The following BCL7A variants were observed in gnomAD, a reference collection of about 807,000 sequenced individuals.
The protein encoded by BCL7A is B-cell CLL/lymphoma 7 protein family member A.
A neutral mutation model predicts 28.4 loss-of-function variants in BCL7A; 11 were observed. The observed-to-expected ratio is 0.39, with a 90% CI of 0.24 to 0.64. The LOEUF (loss-of-function observed/expected upper bound fraction) is 0.64. Among genes scored for constraint, BCL7A ranks in the 30% least tolerant of loss-of-function variants. The pLI is 0.50. For synonymous variants in BCL7A, 123 were observed against 103.3 expected (o/e 1.19, Z -1.15); for missense variants, 222 against 274.8 (o/e 0.81, Z 1.36).
chr12:122,051,732 C>T (rs888555143), intron 4 of BCL7A, among the ~76,000 whole-genome samples: 10 of 152,018 alleles, frequency 6.6e-5, no homozygotes, highest in South Asian at 2.1e-4. Flanking sequence ...CTGCTGTGCC[C>T]GGCAGAAAAG....
At chr12:122,023,925 C>T (rs574782187) in intron 1 of BCL7A, among the ~76,000 whole-genome samples, 2 of 152,308 alleles carry the variant, frequency 1.3e-5, no homozygotes, top group Admixed American at 6.5e-5. Context: ...AGCCGGCAAG[C>T]CGCCTTTCTC....
At position 122,029,874 on chromosome 12, in the gene BCL7A, G is replaced by A. The variant is rs561229649; in HGVS notation, c.93-826G>A. 4.6e-4 allele frequency among the ~76,000 whole-genome samples: 70 copies of A among 152,220 alleles called. No homozygotes were observed. In the South Asian group the frequency reaches 0.011, roughly 24 times the overall value. On this transcript the variant is annotated intron_variant, in intron 1 of 5. Transcript: ENST00000261822. This position sits in a 1 kb window ranked among gnomAD's most constrained non-coding sequence, Gnocchi z 4.3. ...ATAATCGGAAAAATGACAGTGGCTC[G>A]GAGCAGAGTGGTGGTGGTGGAGGAG...
rs114087343 is a variant in BCL7A at position 122,056,848 on chromosome 12, T to C, written c.561+1922T>C. Among the ~76,000 whole-genome samples the C allele has an allele frequency of 6.9e-3, 1,056 of 152,076 alleles. 13 individuals are homozygous for C. The highest frequency in any genetic ancestry group is 0.024 in the African/African-American group (1,012 of 41,506). On this transcript the variant is annotated intron_variant, in intron 5 of 5. Transcript: ENST00000261822. The stretch of plus-strand genomic sequence containing the variant: ...AAAAAGGAGAGAAAGGACAGAAAGG[T>C]AGCCTTCCTGACTCCCTGCGATCCC...
rs923909402 is a variant in BCL7A at position 122,029,204 on chromosome 12, A to G, written c.93-1496A>G. On this transcript the variant is annotated intron_variant, in intron 1 of 5. Coordinates refer to ENST00000261822, the MANE Select transcript of BCL7A (RefSeq NM_001024808.3). This position sits in a 1 kb window ranked among gnomAD's most constrained non-coding sequence, Gnocchi z 4.3. ...GATGAGCCGGCACAGTCCTTGGTAC[A>G]TAGAAGGCGCTAGGAATGGCCACTG... 1.3e-5 allele frequency among the ~76,000 whole-genome samples: 2 copies of G among 152,214 alleles called. No individual in the cohort carries two copies. Among genetic ancestry groups the G allele is most frequent in the African/African-American group, 4.8e-5 (2 of 41,460 alleles).
At chr12:122,023,698 A>G (rs1883534050) in intron 1 of BCL7A, among the ~76,000 whole-genome samples, 1 of 152,246 alleles carries the variant, frequency 6.6e-6, no homozygotes, top group African/African-American at 2.4e-5. Context: ...CCCCTGGTAC[A>G]CAGGGTGCCC....
chr12:122,054,733 C>A (rs1271678859), intron 4 of BCL7A, 72 bp from the exon 5 acceptor site: 1 of 1,465,140 alleles, frequency 6.8e-7, no homozygotes, highest in Non-Finnish European at 9.3e-7. Context: ...AAGGTATTTT[C>A]AGTATTTGGC....
chr12:122,032,012 G>A (rs770506032), intron 2 of BCL7A, among the ~76,000 whole-genome samples: 13 of 152,174 alleles, frequency 8.5e-5, no homozygotes, highest in Non-Finnish European at 1.2e-4. Context: ...GGAAGATGGC[G>A]CAGACTAACC....
Position 122,059,493 on chromosome 12 carries a change from T to C in BCL7A, c.*330T>C. 6.5e-6 allele frequency: 2 copies of C among 309,254 alleles called. No homozygotes were observed. The highest frequency in any genetic ancestry group is 5.0e-5 in the East Asian group (1 of 19,868). The allele number at this position is 309,254 out of a possible 1,614,324, so 19.2% of individuals were successfully genotyped here. ...TTCCCCCCACTTCTCTATGTAACGATATAAGCTATCGGAGGGTGGTACCGA... is the reference window on the plus strand; with the variant it reads ...TTCCCCCCACTTCTCTATGTAACGACATAAGCTATCGGAGGGTGGTACCGA... On this transcript the variant is annotated 3_prime_UTR_variant, in exon 6 of 6. Transcript: ENST00000261822. The surrounding 1 kb of genome is among the most constrained non-coding windows in gnomAD (Gnocchi z 4.0).
intron 4 of BCL7A, among the ~76,000 whole-genome samples, chr12:122,045,022 C>CA (rs1336155491): frequency 3.9e-5 from 6 of 152,074 alleles, no homozygotes; most frequent in African/African-American, 1.2e-4. Flanking sequence ...GGCGACTGAG[C>CA]AAGCCATGTG....
At chr12:122,027,960 G>A (rs1026942437) in intron 1 of BCL7A, among the ~76,000 whole-genome samples, 2 of 152,196 alleles carry the variant, frequency 1.3e-5, no homozygotes, top group Non-Finnish European at 2.9e-5. Context: ...GTTTTGGGGG[G>A]CAATTGTGGG....
chr12:122,024,416 T>A (rs1883565233), intron 1 of BCL7A, among the ~76,000 whole-genome samples: 1 of 151,640 alleles, frequency 6.6e-6, no homozygotes, highest in African/African-American at 2.4e-5. Flanking sequence ...CAGTGTTGTC[T>A]GTGTTGTAAG....
intron 2 of BCL7A, among the ~76,000 whole-genome samples, chr12:122,034,213 A>G (rs1393918621): frequency 6.3e-5 from 2 of 31,766 alleles, no homozygotes; most frequent in African/African-American, 1.8e-4. Flanking sequence ...ATATATATAT[A>G]TATATATATA....
chr12:122,056,117 G>A (rs1951876631), intron 5 of BCL7A, among the ~76,000 whole-genome samples: 2 of 152,176 alleles, frequency 1.3e-5, no homozygotes, highest in African/African-American at 4.8e-5. Flanking sequence ...CGTGCAGTGA[G>A]AAAAGCAAGC....
At chr12:122,024,176 G>A (rs568523388) in intron 1 of BCL7A, among the ~76,000 whole-genome samples, 4 of 152,316 alleles carry the variant, frequency 2.6e-5, no homozygotes, top group East Asian at 1.9e-4. Context: ...CGCCTCCCTG[G>A]GTTTGGGGAA....
chr12:122,039,707 A>T (rs1593028827), intron 3 of BCL7A, among the ~76,000 whole-genome samples: 1 of 151,324 alleles, frequency 6.6e-6, no homozygotes, highest in African/African-American at 2.4e-5. Context: ...TACAAAAATT[A>T]TTGGGTGTGG....
At chr12:122,058,529 C>T (rs571908865) in intron 5 of BCL7A, among the ~76,000 whole-genome samples, 4 of 152,142 alleles carry the variant, frequency 2.6e-5, no homozygotes, top group South Asian at 2.1e-4. Context: ...CATGGTGGCG[C>T]GTGCCTGTAA....
chr12:122,023,506 AGGCAAGAGG>A (rs2135834641), intron 1 of BCL7A, among the ~76,000 whole-genome samples: 1 of 152,322 alleles, frequency 6.6e-6, no homozygotes, highest in Non-Finnish European at 1.5e-5. Context: ...CCAACAAAAA[AGGCAAGAGG>A]AAAATCAATA....
chr12:122,054,555 G>A (rs1884267683), intron 4 of BCL7A, among the ~76,000 whole-genome samples: 1 of 152,158 alleles, frequency 6.6e-6, no homozygotes, highest in Non-Finnish European at 1.5e-5. Context: ...GCCTCCCAGG[G>A]CCCTCAGCAG....
At position 122,059,662 on chromosome 12, in the gene BCL7A, G is replaced by C. The variant is rs965265863; in HGVS notation, c.*499G>C. On this transcript the variant is annotated 3_prime_UTR_variant, in exon 6 of 6. Transcript: ENST00000261822. The surrounding 1 kb of genome is among the most constrained non-coding windows in gnomAD (Gnocchi z 4.0). ...CCTCTGCAAAGTGCCCTCTTGGTTT[G>C]GTTCGGGCGGCGGCTGCCACCCTAC... 7 of 233,082 alleles carry C rather than the reference G, an allele frequency of 3.0e-5. No homozygotes were observed. The highest frequency in any genetic ancestry group is 5.9e-5 in the Non-Finnish European group (7 of 118,192). 14.4% of individuals were successfully genotyped at this position (233,082 alleles called of 1,614,324 possible).
Sources: allele counts gnomAD v4.1 joint callset (sites outside exome capture counted in the v4.1 genomes callset), GRCh38; gene constraint gnomAD v4.1.1; non-coding constraint Gnocchi (gnomAD v3.1); transcripts MANE v1.5; gene names NCBI Gene and HGNC (gene_info 2026-07-23, HGNC 2026-07-21).